The following VPS13B variants were observed in gnomAD, a reference collection of about 807,000 sequenced individuals.
VPS13B encodes the protein intermembrane lipid transfer protein VPS13B.
VPS13B carries 285 observed loss-of-function variants against 426.4 expected under a neutral mutation model. The observed-to-expected ratio is 0.67, with a 90% CI of 0.61 to 0.74. The LOEUF is 0.74. Ranked by LOEUF, VPS13B falls within the 30% of genes least tolerant of loss-of-function variation. The pLI is 0.00. For missense variants in VPS13B, 4,537 were observed against 4,782.6 expected (o/e 0.95, Z 1.51); for synonymous variants, 1,676 against 1,676.4 (o/e 1.00, Z 0.01).
intron 20 of VPS13B, among the ~76,000 whole-genome samples, chr8:99,389,924 G>A (rs1422731361): frequency 6.6e-6 from 1 of 152,020 alleles, no homozygotes; most frequent in East Asian, 1.9e-4. Context: ...TGTTTTAGAT[G>A]AGGAAATTTA....
chr8:99,025,911 C>A (rs1842113641), intron 2 of VPS13B, among the ~76,000 whole-genome samples: 1 of 152,016 alleles, frequency 6.6e-6, no homozygotes, highest in Non-Finnish European at 1.5e-5. Context: ...TTTTCTTAGT[C>A]TGTGTAATAG....
intron 34 of VPS13B, among the ~76,000 whole-genome samples, chr8:99,655,521 G>A (rs1829990330): frequency 6.6e-6 from 1 of 152,140 alleles, no homozygotes; most frequent in Non-Finnish European, 1.5e-5. Context: ...GAAGGCATAG[G>A]GAGTCCCGAG....
At chr8:99,456,016 A>C (rs1330437659) in intron 23 of VPS13B, among the ~76,000 whole-genome samples, 1 of 152,208 alleles carries the variant, frequency 6.6e-6, no homozygotes, top group Non-Finnish European at 1.5e-5. Context: ...TATGTTGAAC[A>C]GTTCAAGAAA....
At chr8:99,247,238 T>A (rs904517124) in intron 17 of VPS13B, among the ~76,000 whole-genome samples, 1 of 152,238 alleles carries the variant, frequency 6.6e-6, no homozygotes, top group African/African-American at 2.4e-5. Flanking sequence ...TATTACCAAG[T>A]CATCATTTTA....
At chr8:99,385,949 A>C (rs904740475) in intron 20 of VPS13B, among the ~76,000 whole-genome samples, 2 of 152,166 alleles carry the variant, frequency 1.3e-5, no homozygotes, top group African/African-American at 4.8e-5. Flanking sequence ...TCTGAAAAAA[A>C]ATTTTGAATT....
intron 6 of VPS13B, among the ~76,000 whole-genome samples, chr8:99,112,222 G>A (rs556201997): frequency 6.6e-6 from 1 of 152,250 alleles, no homozygotes; most frequent in East Asian, 1.9e-4. Flanking sequence ...ATCCCATTAA[G>A]TAGGTTTTAA....
chr8:99,055,896 A>T (rs915057776), intron 3 of VPS13B, among the ~76,000 whole-genome samples: 3 of 127,158 alleles, frequency 2.4e-5, no homozygotes, highest in Non-Finnish European at 3.2e-5. Context: ...TGCCTGGCTA[A>T]TTAATTTTTT....
intron 34 of VPS13B, among the ~76,000 whole-genome samples, chr8:99,654,882 G>A (rs1340477625): frequency 1.3e-5 from 2 of 151,498 alleles, no homozygotes; most frequent in African/African-American, 2.4e-5. Flanking sequence ...AACTGTCTAG[G>A]AACAACTTGT....
At chr8:99,400,601 C>T (rs920670652) in intron 21 of VPS13B, among the ~76,000 whole-genome samples, 1 of 152,146 alleles carries the variant, frequency 6.6e-6, no homozygotes, top group Admixed American at 6.5e-5. Context: ...TTAAGTTGTA[C>T]TATTCAGATG....
intron 54 of VPS13B, among the ~76,000 whole-genome samples, chr8:99,843,616 G>A (rs1275997186): frequency 6.6e-6 from 1 of 152,188 alleles, no homozygotes; most frequent in African/African-American, 2.4e-5. Flanking sequence ...AGAGACATAC[G>A]GCAGTCTCTT....
chr8:99,554,357 T>C (rs770122730), intron 30 of VPS13B, among the ~76,000 whole-genome samples: 4 of 152,080 alleles, frequency 2.6e-5, no homozygotes, highest in Non-Finnish European at 5.9e-5. Context: ...TCTAGGGAAA[T>C]AGGTTAGGCC....
In VPS13B at chr8:99,793,254, C is replaced by CATATATATAT. The variant is rs779913773; in HGVS notation, c.7941+8800_7941+8809dup. ...TTTGGAGACAGGGTCTTGCCCTCTC[C>CATATATATAT]ATATATATATATATATATATATATA... On this transcript the variant is annotated intron_variant, in intron 43 of 61. Coordinates refer to ENST00000357162, the MANE Select transcript of VPS13B (RefSeq NM_152564.5). Among the ~76,000 whole-genome samples, 461 of 106,972 alleles carry CATATATATAT rather than the reference C, an allele frequency of 4.3e-3. 4 individuals are homozygous for CATATATATAT. Among genetic ancestry groups the CATATATATAT allele is most frequent in the Middle Eastern group, 9.2e-3 (2 of 218 alleles). 70.2% of individuals were successfully genotyped at this position (106,972 alleles called of 152,430 possible).
Position 99,861,767 on chromosome 8 carries a change from T to C in VPS13B, c.11045-9T>C. On this transcript the variant is annotated splice_polypyrimidine_tract_variant and intron_variant, in intron 57 of 61. Transcript: ENST00000357162. Reference sequence around the variant, plus strand: ...CAAGGAGGCTAACCCCATGCTCTTGTTCCCTCAGGTACCCTCACATCCATC... The same window carrying C: ...CAAGGAGGCTAACCCCATGCTCTTGCTCCCTCAGGTACCCTCACATCCATC... 1 of 1,590,430 alleles carries C rather than the reference T, an allele frequency of 6.3e-7. No homozygotes were observed. The highest frequency in any genetic ancestry group is 8.6e-7 in the Non-Finnish European group (1 of 1,168,142).
At chr8:99,237,582 C>G (rs1053574719) in intron 17 of VPS13B, among the ~76,000 whole-genome samples, 1 of 151,776 alleles carries the variant, frequency 6.6e-6, no homozygotes, top group Non-Finnish European at 1.5e-5. Flanking sequence ...ATGACTGAAA[C>G]AGAAAAAATC....
rs894587236 is a variant in VPS13B, at chr8:99,571,578, C to CT, written c.4950-4073dup. Among the ~76,000 whole-genome samples the CT allele has an allele frequency of 7.9e-5, 12 of 152,122 alleles. No homozygotes were observed. In the East Asian group the frequency reaches 2.1e-3, roughly 27 times the overall value. ...GAAATGTATAATATGGACAAGTACC[C>CT]TTTTTTTCATTGCCCTTGGTTGTTA... On this transcript the variant is annotated intron_variant, in intron 31 of 61. Transcript: ENST00000357162.
At chr8:99,626,166 G>A (rs1338046849) in intron 33 of VPS13B, among the ~76,000 whole-genome samples, 2 of 152,202 alleles carry the variant, frequency 1.3e-5, no homozygotes, top group Non-Finnish European at 2.9e-5. Context: ...AACATTATTT[G>A]TAGTAGCTAA....
chr8:99,348,130 G>A (rs1811645496), intron 19 of VPS13B: 1 of 152,236 alleles, frequency 6.6e-6, no homozygotes, highest in African/African-American at 2.4e-5. Flanking sequence ...TCAGAGCCTG[G>A]TTCAATCATT....
intron 19 of VPS13B, among the ~76,000 whole-genome samples, chr8:99,282,504 T>C (rs1435159563): frequency 6.6e-6 from 1 of 152,204 alleles, no homozygotes; most frequent in Non-Finnish European, 1.5e-5. Flanking sequence ...TATGTCTACA[T>C]TAGTTTATGA....
rs1280414938 is a variant in VPS13B, at chr8:99,607,896, A to G, written c.5220+30263A>G. On this transcript the variant is annotated intron_variant, in intron 33 of 61. Coordinates refer to ENST00000357162, the MANE Select transcript of VPS13B (RefSeq NM_152564.5). ...TATAACAATTATATTTTTCAAAACAAAAACAATCACTGGCATTTTCTCAAA... is the reference window on the plus strand; with the variant it reads ...TATAACAATTATATTTTTCAAAACAGAAACAATCACTGGCATTTTCTCAAA... Among the ~76,000 whole-genome samples the G allele has an allele frequency of 2.6e-5, 4 of 152,268 alleles. No homozygotes were observed. The East Asian group carries it at 7.7e-4, about 29-fold the overall frequency.
Sources: allele counts gnomAD v4.1 joint callset (sites outside exome capture counted in the v4.1 genomes callset), GRCh38; gene constraint gnomAD v4.1.1; transcripts MANE v1.5; gene names NCBI Gene and HGNC (gene_info 2026-07-23, HGNC 2026-07-21).